The following STAT4 variants were observed in gnomAD, a reference collection of about 807,000 sequenced individuals.
The protein encoded by STAT4 is signal transducer and activator of transcription 4.
STAT4 carries 42 observed loss-of-function variants against 110.5 expected under a neutral mutation model. The ratio of observed to expected loss-of-function variants is 0.38; its 90% CI spans 0.30 to 0.49. The LOEUF is 0.49. Ranked by LOEUF, STAT4 falls within the 20% of genes least tolerant of loss-of-function variation. The pLI is 0.95. For synonymous variants in STAT4, 284 were observed against 302.2 expected, an observed-to-expected ratio of 0.94 and a Z score of 0.63; for missense variants, 632 against 887.9, an observed-to-expected ratio of 0.71 and a Z score of 3.66.
chr2:191,063,408 C>A (rs536957377), intron 8 of STAT4, among the ~76,000 whole-genome samples: 1 of 152,258 alleles, frequency 6.6e-6, no homozygotes, highest in Admixed American at 6.5e-5. Context: ...TAAGTACTAG[C>A]CAAAAGTGAT....
intron 13 of STAT4, among the ~76,000 whole-genome samples, chr2:191,055,207 C>G (rs746338584): frequency 6.7e-5 from 10 of 149,024 alleles, no homozygotes; most frequent in Non-Finnish European, 1.2e-4. Context: ...TCTTTTTTTT[C>G]TTTTTTTTTG....
chr2:191,036,961 C>T (rs999560490), intron 16 of STAT4, among the ~76,000 whole-genome samples: 3 of 152,162 alleles, frequency 2.0e-5, no homozygotes, highest in Non-Finnish European at 4.4e-5. Context: ...TCCTAAAAGT[C>T]TCCTTGTTCT....
Position 191,030,315 on chromosome 2 carries a change from T to C in STAT4, c.2221-449A>G, listed in dbSNP as rs774996241. Among the ~76,000 whole-genome samples, 2 of 152,222 alleles carry C rather than the reference T, an allele frequency of 1.3e-5. No homozygotes were observed. Among genetic ancestry groups the C allele is most frequent in the Non-Finnish European group, 2.9e-5 (2 of 68,028 alleles). On this transcript the variant is annotated intron_variant, in intron 23 of 23. Transcript: ENST00000392320. This position sits in a 1 kb window ranked among gnomAD's most constrained non-coding sequence, Gnocchi z 4.4. ...CCAAGTTTCTATTATATTATTCTGA[T>C]GTATGTTCACTTTCATGTAAATTGG...
intron 3 of STAT4, among the ~76,000 whole-genome samples, chr2:191,129,790 T>C (rs888403042): frequency 6.6e-6 from 1 of 152,226 alleles, no homozygotes; most frequent in African/African-American, 2.4e-5. Flanking sequence ...AGTTTCTTTA[T>C]GAGACAGCCC....
intron 3 of STAT4, among the ~76,000 whole-genome samples, chr2:191,145,519 T>C (rs971677026): frequency 5.9e-5 from 9 of 152,202 alleles, no homozygotes; most frequent in Admixed American, 2.6e-4. Flanking sequence ...GACAGATTGC[T>C]GTATGCTGCC....
chr2:191,064,022 T>A (rs1214428848), intron 8 of STAT4, among the ~76,000 whole-genome samples: 8 of 152,238 alleles, frequency 5.3e-5, no homozygotes, highest in Non-Finnish European at 1.2e-4. Flanking sequence ...TTTGCATTTA[T>A]GACATGGAAA....
chr2:191,119,437 T>C (rs891985608), intron 3 of STAT4, among the ~76,000 whole-genome samples: 2 of 152,204 alleles, frequency 1.3e-5, no homozygotes, highest in Non-Finnish European at 2.9e-5. Context: ...GGAATGCCCA[T>C]TTCCAGAGGG....
At chr2:191,151,560 T>A, upstream of STAT4, 3 of 985,588 alleles carry the variant, frequency 3.0e-6, no homozygotes, top group Non-Finnish European at 3.6e-6. This position sits in a 1 kb window ranked among gnomAD's most constrained non-coding sequence, Gnocchi z 4.7. Context: ...CTTCCTGACC[T>A]AGCCTCCTCC....
chr2:191,102,586 A>G (rs1241107689), intron 3 of STAT4, among the ~76,000 whole-genome samples: 1 of 152,126 alleles, frequency 6.6e-6, no homozygotes, highest in Admixed American at 6.6e-5. Context: ...CACTTGCACT[A>G]TCTCCAATTT....
chr2:191,125,674 G>C (rs114377450), intron 3 of STAT4, among the ~76,000 whole-genome samples: 1,941 of 151,898 alleles, frequency 0.013, 23 homozygotes, highest in Non-Finnish European at 0.02. Context: ...TGTAGAGATA[G>C]GGTCTCACTA....
At chr2:191,034,175 C>A (rs548071995) in intron 18 of STAT4, among the ~76,000 whole-genome samples, 170 bp from the exon 19 acceptor site, 1 of 152,254 alleles carries the variant, frequency 6.6e-6, no homozygotes, top group South Asian at 2.1e-4. Flanking sequence ...GTAATCCCAG[C>A]ACTTTGGGAG....
intron 3 of STAT4, among the ~76,000 whole-genome samples, chr2:191,084,345 A>T (rs1448312955): frequency 6.6e-6 from 1 of 152,074 alleles, no homozygotes; most frequent in African/African-American, 2.4e-5. Flanking sequence ...CCATTAGGAT[A>T]TGATGAAGCC....
rs1696506773 is a variant in STAT4 at position 191,050,962 on chromosome 2, A to G, written c.1251+3528T>C. The stretch of plus-strand genomic sequence containing the variant: ...ATTTATGACATCTTTGTCCATTGTC[A>G]ATCATTTAATAACTATCTGATACAA... On this transcript the variant is annotated intron_variant, in intron 14 of 23. Transcript: ENST00000392320. This position sits in a 1 kb window ranked among gnomAD's most constrained non-coding sequence, Gnocchi z 4.3. 6.6e-6 allele frequency among the ~76,000 whole-genome samples: 1 copy of G among 152,236 alleles called. No individual in the cohort carries two copies.
At position 191,033,355 on chromosome 2, in the gene STAT4, T is replaced by G. The variant is rs1695954958; in HGVS notation, c.1852+135A>C. The G allele has an allele frequency of 8.4e-7, 1 of 1,196,738 alleles. No individual in the cohort carries two copies. The highest frequency in any genetic ancestry group is 2.8e-5 in the Admixed American group (1 of 35,316). The allele number at this position is 1,196,738 out of a possible 1,614,324, so 74.1% of individuals were successfully genotyped here. On this transcript the variant is annotated intron_variant, in intron 20 of 23. Coordinates refer to ENST00000392320, the MANE Select transcript of STAT4 (RefSeq NM_003151.4). This position sits in a 1 kb window ranked among gnomAD's most constrained non-coding sequence, Gnocchi z 6.9. Reference sequence around the variant, plus strand: ...CATAGGTACCCTGTTCTGAGACAACTGCAACTACTAATATTCAAGCCCACT... The same window carrying G: ...CATAGGTACCCTGTTCTGAGACAACGGCAACTACTAATATTCAAGCCCACT...
At position 191,107,485 on chromosome 2, in the gene STAT4, G is replaced by T. The variant is rs117888629; in HGVS notation, c.274-31160C>A. Among the ~76,000 whole-genome samples the T allele has an allele frequency of 2.4e-4, 37 of 152,300 alleles. No individual in the cohort carries two copies. In the East Asian group the frequency reaches 6.9e-3, roughly 29 times the overall value. Reference sequence around the variant, plus strand: ...ACTATTACTATCCCCATTTTACACAGAAGATAAAGAGAGCAAGGTTCAGGG... The same window carrying T: ...ACTATTACTATCCCCATTTTACACATAAGATAAAGAGAGCAAGGTTCAGGG... On this transcript the variant is annotated intron_variant, in intron 3 of 23. Transcript: ENST00000392320. This position sits in a 1 kb window ranked among gnomAD's most constrained non-coding sequence, Gnocchi z 4.2.
In STAT4 at chr2:191,037,057, C is replaced by T. The variant is rs747733464; in HGVS notation, c.1435-758G>A. On this transcript the variant is annotated intron_variant, in intron 16 of 23. Coordinates refer to ENST00000392320, the MANE Select transcript of STAT4 (RefSeq NM_003151.4). This position sits in a 1 kb window ranked among gnomAD's most constrained non-coding sequence, Gnocchi z 4.8. ...ACTTTTCCGTATCAGTCTACTCATG[C>T]AAGAACTTAACATTGTCCAAAAAGT... is the stretch of plus-strand genomic sequence containing the variant. Among the ~76,000 whole-genome samples the T allele has an allele frequency of 5.9e-5, 9 of 152,162 alleles. No homozygotes were observed. Among genetic ancestry groups the T allele is most frequent in the Non-Finnish European group, 1.3e-4 (9 of 68,028 alleles).
intron 5 of STAT4, 27 bp downstream of exon 5, chr2:191,073,071 T>C: frequency 6.3e-7 from 1 of 1,595,620 alleles, no homozygotes; most frequent in Non-Finnish European, 8.6e-7. Flanking sequence ...ATCTAGACTT[T>C]CTAGGTATCT....
chr2:191,063,579 TC>T (rs1324793611), intron 8 of STAT4, among the ~76,000 whole-genome samples: 1 of 152,142 alleles, frequency 6.6e-6, no homozygotes, highest in African/African-American at 2.4e-5. Context: ...GGAAGGGACT[TC>T]CAACCACAGG....
Position 191,058,329 on chromosome 2 carries a change from G to A in STAT4, c.1095-110C>T, listed in dbSNP as rs1341593483. 1.3e-5 allele frequency: 16 copies of A among 1,186,348 alleles called. No individual in the cohort carries two copies. The highest frequency in any genetic ancestry group is 1.0e-4 in the South Asian group (7 of 67,086). 73.5% of individuals were successfully genotyped at this position (1,186,348 alleles called of 1,614,324 possible). A position where few individuals can be genotyped will look rare whatever the true frequency, so the allele number is the denominator to read the frequency against. On this transcript the variant is annotated intron_variant, in intron 11 of 23. Coordinates refer to ENST00000392320, the MANE Select transcript of STAT4 (RefSeq NM_003151.4). This position sits in a 1 kb window ranked among gnomAD's most constrained non-coding sequence, Gnocchi z 4.3. The stretch of plus-strand genomic sequence containing the variant: ...TTTATTTATTTTGAGACAGAGTCTC[G>A]CTCTGTCGTCCAGGCTGGAGTGCAG...
Sources: gnomAD v4.1 joint callset for allele counts (sites outside exome capture counted in the v4.1 genomes callset) on GRCh38, gnomAD v4.1.1 for gene constraint, Gnocchi (gnomAD v3.1) non-coding constraint, MANE v1.5 for transcripts, NCBI Gene and HGNC (gene_info 2026-07-23, HGNC 2026-07-21) for gene names.